Variants in SYTL5 observed in about 807,000 individuals in gnomAD.
The protein encoded by SYTL5 is synaptotagmin-like protein 5.
SYTL5 carries 34 observed loss-of-function variants against 55.9 expected under a neutral mutation model. The ratio of observed to expected loss-of-function variants is 0.61; its 90% CI spans 0.46 to 0.81. The LOEUF is 0.81. SYTL5 is among the 30% of genes least tolerant of loss of function. The pLI, the probability that SYTL5 is intolerant of heterozygous loss-of-function variation, is 0.00. For missense variants in SYTL5, 637 were observed against 546.7 expected (o/e 1.17, Z -1.65); for synonymous variants, 221 against 188.7 (o/e 1.17, Z -1.40).
At chrX:37,928,306 G>A in the SYTL5 span, among the ~76,000 whole-genome samples, 1 of 111,480 alleles carries the variant, frequency 9.0e-6, no homozygotes, top group African/African-American at 3.3e-5. Flanking sequence ...TCCAGAGAAG[G>A]AGCTTTCTCA....
chrX:37,896,363 C>A, the SYTL5 span, among the ~76,000 whole-genome samples: 1 of 111,454 alleles, frequency 9.0e-6, no homozygotes, highest in African/African-American at 3.3e-5. Context: ...TTCTTCTTAT[C>A]CCTCTTTGCA....
the SYTL5 span, among the ~76,000 whole-genome samples, chrX:37,951,082 G>T: frequency 9.1e-6 from 1 of 109,790 alleles, no homozygotes; most frequent in Admixed American, 9.7e-5. Flanking sequence ...TAAAGTAAAA[G>T]AATTTTTTTT....
chrX:38,097,331 G>T (rs1487703325), intron 9 of SYTL5, among the ~76,000 whole-genome samples: 1 of 110,139 alleles, frequency 9.1e-6, no homozygotes, highest in Non-Finnish European at 1.9e-5. Context: ...ACAAAAATAT[G>T]ACTAGAACTG....
the SYTL5 span, among the ~76,000 whole-genome samples, chrX:37,994,998 G>A: frequency 1.3e-4 from 15 of 111,544 alleles, no homozygotes; most frequent in Middle Eastern, 9.1e-3. Flanking sequence ...GAGCTGAAGC[G>A]GGGGAAGGGG....
At chrX:37,945,465 C>T in the SYTL5 span, among the ~76,000 whole-genome samples, 2 of 111,478 alleles carry the variant, frequency 1.8e-5, no homozygotes, top group South Asian at 7.5e-4. Context: ...GTGACTTTTC[C>T]ACCTTCTGCA....
chrX:38,022,141 T>C (rs964789574), intron 1 of SYTL5, among the ~76,000 whole-genome samples: 2 of 112,648 alleles, frequency 1.8e-5, no homozygotes, highest in Non-Finnish European at 3.7e-5. Flanking sequence ...AATTTCTAAA[T>C]GCTTATTCTT....
At chrX:38,024,139 C>T (rs1204159988) in intron 1 of SYTL5, among the ~76,000 whole-genome samples, 1 of 110,056 alleles carries the variant, frequency 9.1e-6, no homozygotes, top group Non-Finnish European at 1.9e-5. Context: ...GTGTCCCCAC[C>T]CTAATCTCTT....
intron 2 of SYTL5, among the ~76,000 whole-genome samples, chrX:38,044,386 C>T (rs1001917142): frequency 3.6e-5 from 4 of 111,973 alleles, no homozygotes; most frequent in Non-Finnish European, 5.7e-5. Flanking sequence ...TTCCCCACCA[C>T]ATTTAAAATA....
chrX:38,007,465 T>C (rs1934029538), intron 1 of SYTL5, among the ~76,000 whole-genome samples: 1 of 111,594 alleles, frequency 9.0e-6, no homozygotes. Flanking sequence ...CAAGTATATG[T>C]GTATGCCTGG....
chrX:38,126,716 A>G lies in SYTL5; in HGVS notation c.2179A>G (p.Lys727Glu), dbSNP rs768362034. The G allele has an allele frequency of 4.1e-5, 50 of 1,209,148 alleles. No individual in the cohort carries two copies. The highest frequency in any genetic ancestry group is 6.5e-5 in the Admixed American group (3 of 45,802). ...ACTCATGCTTCGTTCCAGCATGGGA[A>G]AATGTAGGCTCTAAAGGGACCAGTT... The part of the protein sequence containing the change: ...GVLMLRSSMG[K>E]CRL Residue 727 changes from lysine to glutamate, a missense_variant, in exon 17 of 17, where the codon AAA (lysine) becomes GAA (glutamate). Transcript: ENST00000297875.
At chrX:37,993,917 G>T in the SYTL5 span, among the ~76,000 whole-genome samples, 3 of 111,646 alleles carry the variant, frequency 2.7e-5, no homozygotes, top group Admixed American at 1.9e-4. Context: ...CCAGTTACTG[G>T]GGTGACCAGG....
intron 1 of SYTL5, among the ~76,000 whole-genome samples, chrX:38,009,236 A>G (rs1934097148): frequency 8.9e-6 from 1 of 111,896 alleles, no homozygotes; most frequent in Non-Finnish European, 1.9e-5. Context: ...GCCTTTCTCT[A>G]TAACTTCTTA....
chrX:37,895,133 T>G, the SYTL5 span, among the ~76,000 whole-genome samples: 3 of 112,041 alleles, frequency 2.7e-5, no homozygotes, highest in Non-Finnish European at 3.8e-5. Context: ...GAGCTGTAAA[T>G]CTAAACATCT....
At chrX:38,039,703 A>G (rs1935222238) in intron 2 of SYTL5, among the ~76,000 whole-genome samples, 1 of 111,717 alleles carries the variant, frequency 9.0e-6, no homozygotes, top group Non-Finnish European at 1.9e-5. Flanking sequence ...ACATGAAAAC[A>G]TATCTGCACA....
intron 9 of SYTL5, among the ~76,000 whole-genome samples, chrX:38,097,456 A>C (rs976180874): frequency 9.0e-6 from 1 of 111,083 alleles, no homozygotes; most frequent in African/African-American, 3.2e-5. Context: ...AATTCCATTC[A>C]TAATAGCATG....
intron 7 of SYTL5, among the ~76,000 whole-genome samples, chrX:38,090,034 T>G (rs1017198312): frequency 8.9e-6 from 1 of 112,256 alleles, no homozygotes; most frequent in Non-Finnish European, 1.9e-5. Flanking sequence ...AGGTAGAAGC[T>G]TCATCAGGAC....
chrX:37,937,482 T>A, the SYTL5 span, among the ~76,000 whole-genome samples: 1 of 111,558 alleles, frequency 9.0e-6, no homozygotes, highest in Non-Finnish European at 1.9e-5. Context: ...ACCTCAGTCC[T>A]ACAACTGCAA....
In SYTL5 at chrX:38,052,580, A is replaced by G. The variant is rs1263047566; in HGVS notation, c.120-1633A>G. Among the ~76,000 whole-genome samples, 3 of 112,123 alleles carry G rather than the reference A, an allele frequency of 2.7e-5. No individual in the cohort carries two copies. In the Admixed American group the frequency reaches 2.8e-4, roughly 11 times the overall value. On this transcript the variant is annotated intron_variant, in intron 2 of 16. Transcript: ENST00000297875. ...TATTATTTTTAACATGAGTCTTACA[A>G]TACCTCACAAGCTAGTTTGAAAGAT...
rs180793831 is a variant in SYTL5 at position 38,054,458 on chromosome X, G to T, written c.329+36G>T. On this transcript the variant is annotated intron_variant, in intron 3 of 16. Transcript: ENST00000297875. ...TGATTTTTCATGGAAAGTGGAGATT[G>T]ATGACTGAAGGGATTGGAGTGGGGA... is the stretch of plus-strand genomic sequence containing the variant. 6 of 1,137,132 alleles carry T rather than the reference G, an allele frequency of 5.3e-6. No individual in the cohort carries two copies. In the East Asian group the frequency reaches 1.8e-4, roughly 34 times the overall value. 93.7% of individuals were successfully genotyped at this position (1,137,132 alleles called of 1,213,427 possible).
Sources: allele counts gnomAD v4.1 joint callset (sites outside exome capture counted in the v4.1 genomes callset), GRCh38; gene constraint gnomAD v4.1.1; transcripts MANE v1.5; gene names NCBI Gene and HGNC (gene_info 2026-07-23, HGNC 2026-07-21).